Variants in STK32B observed in about 807,000 individuals in gnomAD.
The protein encoded by STK32B is serine/threonine-protein kinase 32B.
Under a neutral mutation model 52.6 loss-of-function variants are expected in STK32B, and 43 were observed. That is an observed-to-expected ratio of 0.82 (90% CI 0.64 to 1.05). The LOEUF is 1.05. Ranked by LOEUF, STK32B falls within the 50% of genes least tolerant of loss-of-function variation. STK32B has a pLI of 0.00. For missense variants in STK32B, 621 were observed against 534.6 expected (o/e 1.16, Z -1.59); for synonymous variants, 238 against 204.3 (o/e 1.17, Z -1.41).
intron 1 of STK32B, among the ~76,000 whole-genome samples, chr4:5,115,924 G>A (rs758927423): frequency 6.6e-6 from 1 of 152,134 alleles, no homozygotes; most frequent in Non-Finnish European, 1.5e-5. Flanking sequence ...CATCTTAACT[G>A]TAAAATTGGG....
At chr4:5,108,451 A>G (rs1204894607) in intron 1 of STK32B, among the ~76,000 whole-genome samples, 2 of 152,106 alleles carry the variant, frequency 1.3e-5, no homozygotes, top group African/African-American at 4.8e-5. Context: ...TGCCCTTCTC[A>G]TGTTTGGGTG....
intron 4 of STK32B, among the ~76,000 whole-genome samples, chr4:5,397,666 A>G (rs1737006402): frequency 6.6e-6 from 1 of 152,154 alleles, no homozygotes; most frequent in Non-Finnish European, 1.5e-5. Flanking sequence ...GTACGTGTAT[A>G]TGTTGTTTTG....
chr4:5,346,347 A>C (rs1457814008), intron 4 of STK32B, among the ~76,000 whole-genome samples: 1 of 152,186 alleles, frequency 6.6e-6, no homozygotes, highest in East Asian at 1.9e-4. Context: ...GATTTTCTCA[A>C]ACAGTGGCTT....
chr4:5,286,574 T>C lies in STK32B; in HGVS notation c.261-44646T>C, dbSNP rs920490455. 2.6e-5 allele frequency among the ~76,000 whole-genome samples: 4 copies of C among 152,216 alleles called. 1 individual carries two copies. Among genetic ancestry groups the C allele is most frequent in the African/African-American group, 4.8e-5 (2 of 41,448 alleles). ...GAATCATGTAATGACTTTATCTGGC[T>C]TATTTCCCTTAACATAATACCTGTG... is the stretch of plus-strand genomic sequence containing the variant. On this transcript the variant is annotated intron_variant, in intron 3 of 11. Coordinates refer to ENST00000282908, the MANE Select transcript of STK32B (RefSeq NM_018401.3).
upstream of STK32B, among the ~76,000 whole-genome samples, chr4:5,049,872 C>T (rs1741695185): frequency 6.6e-6 from 1 of 152,142 alleles, no homozygotes; most frequent in African/African-American, 2.4e-5. Context: ...CAGGTGTGAG[C>T]CCCCACGCCC....
At chr4:5,463,783 T>C (rs1717218215) in intron 9 of STK32B, among the ~76,000 whole-genome samples, 1 of 152,112 alleles carries the variant, frequency 6.6e-6, no homozygotes. Flanking sequence ...GGCCGCTTTC[T>C]CTTCCGGGGA....
At chr4:5,275,700 A>G (rs1332624523) in intron 3 of STK32B, among the ~76,000 whole-genome samples, 1 of 151,632 alleles carries the variant, frequency 6.6e-6, no homozygotes, top group African/African-American at 2.4e-5. Context: ...TGGATGGAGG[A>G]ATGAATTGGG....
Position 5,467,102 on chromosome 4 carries a change from C to T in STK32B, c.1041+268C>T, listed in dbSNP as rs532408381. 2.6e-5 allele frequency among the ~76,000 whole-genome samples: 4 copies of T among 151,548 alleles called. No homozygotes were observed. The highest frequency in any genetic ancestry group is 3.9e-4 in the East Asian group (2 of 5,128). The stretch of plus-strand genomic sequence containing the variant: ...GGGGAGGGACCCAGCGGTCCCACTG[C>T]GCCCTTGAGAAAGATTTTGTACCGC... On this transcript the variant is annotated intron_variant, in intron 10 of 11. Coordinates refer to ENST00000282908, the MANE Select transcript of STK32B (RefSeq NM_018401.3). The surrounding 1 kb of genome is among the most constrained non-coding windows in gnomAD (Gnocchi z 5.8).
chr4:5,233,507 A>G (rs1724418113), intron 3 of STK32B, among the ~76,000 whole-genome samples: 1 of 152,096 alleles, frequency 6.6e-6, no homozygotes, highest in South Asian at 2.1e-4. Flanking sequence ...AAGTTCAAGT[A>G]GAGGGGACGG....
chr4:5,120,534 G>GA (rs1365551287), intron 1 of STK32B, among the ~76,000 whole-genome samples: 2 of 151,970 alleles, frequency 1.3e-5, no homozygotes, highest in East Asian at 3.8e-4. Context: ...TATGTTATAG[G>GA]AAAAAAACAG....
At chr4:5,255,623 C>A (rs1447368090) in intron 3 of STK32B, among the ~76,000 whole-genome samples, 1 of 152,034 alleles carries the variant, frequency 6.6e-6, no homozygotes, top group Non-Finnish European at 1.5e-5. Flanking sequence ...CAATCTCTAA[C>A]ACAAGCCATC....
At chr4:5,492,369 G>T (rs1420837798) in intron 11 of STK32B, among the ~76,000 whole-genome samples, 1 of 151,746 alleles carries the variant, frequency 6.6e-6, no homozygotes, top group African/African-American at 2.4e-5. Flanking sequence ...CTCATGATTT[G>T]GCTGTTTGTC....
intron 3 of STK32B, among the ~76,000 whole-genome samples, chr4:5,317,190 A>T (rs1382901187): frequency 1.6e-4 from 8 of 51,536 alleles, no homozygotes; most frequent in African/African-American, 1.1e-3. Flanking sequence ...ATATATATAT[A>T]ACATATATAT....
At position 5,279,874 on chromosome 4, in the gene STK32B, T is replaced by C. The variant is rs114453173; in HGVS notation, c.261-51346T>C. 6.7e-3 allele frequency among the ~76,000 whole-genome samples: 1,025 copies of C among 152,126 alleles called. 12 individuals carry two copies. Among genetic ancestry groups the C allele is most frequent in the African/African-American group, 0.024 (980 of 41,514 alleles). On this transcript the variant is annotated intron_variant, in intron 3 of 11. Coordinates refer to ENST00000282908, the MANE Select transcript of STK32B (RefSeq NM_018401.3). ...CTTTTAGTCACAGCTGGAACTGGAG[T>C]GCCCAGAATACAGGGTGCCATGTCC...
At chr4:5,232,377 A>G (rs1724331985) in intron 3 of STK32B, among the ~76,000 whole-genome samples, 1 of 152,248 alleles carries the variant, frequency 6.6e-6, no homozygotes, top group Non-Finnish European at 1.5e-5. Context: ...GTGATAATGA[A>G]AATATCTGCA....
chr4:5,218,636 T>C (rs1254335810), intron 3 of STK32B, among the ~76,000 whole-genome samples: 1 of 152,200 alleles, frequency 6.6e-6, no homozygotes, highest in African/African-American at 2.4e-5. Context: ...CTTTTACAAT[T>C]TCATAGGAGA....
chr4:5,406,900 T>C (rs1321387649), intron 5 of STK32B, among the ~76,000 whole-genome samples: 1 of 152,170 alleles, frequency 6.6e-6, no homozygotes, highest in Non-Finnish European at 1.5e-5. Context: ...TCCCTTTTAC[T>C]CATACAAATT....
rs563753326 is a variant in STK32B at position 5,396,156 on chromosome 4, C to G, written c.435-2051C>G. On this transcript the variant is annotated intron_variant, in intron 4 of 11. Coordinates refer to ENST00000282908, the MANE Select transcript of STK32B (RefSeq NM_018401.3). This position sits in a 1 kb window ranked among gnomAD's most constrained non-coding sequence, Gnocchi z 4.7. ...ATACAAATTTATTCTCTCATAATTC[C>G]GGCCAGAAGTCCAAAATCAAAGAGG... is the stretch of plus-strand genomic sequence containing the variant. Among the ~76,000 whole-genome samples, 3 of 152,206 alleles carry G rather than the reference C, an allele frequency of 2.0e-5. No individual in the cohort carries two copies. Among genetic ancestry groups the G allele is most frequent in the Non-Finnish European group, 4.4e-5 (3 of 68,048 alleles).
intron 6 of STK32B, among the ~76,000 whole-genome samples, chr4:5,428,205 A>T (rs1713258921): frequency 1.3e-5 from 2 of 152,180 alleles, no homozygotes; most frequent in African/African-American, 4.8e-5. Flanking sequence ...CAGGAGATCA[A>T]GATCATCCTG....
Sources: allele counts gnomAD v4.1 joint callset (sites outside exome capture counted in the v4.1 genomes callset), GRCh38; gene constraint gnomAD v4.1.1; non-coding constraint Gnocchi (gnomAD v3.1); transcripts MANE v1.5; gene names NCBI Gene and HGNC (gene_info 2026-07-23, HGNC 2026-07-21).